Variants in SMOC2 observed in about 807,000 individuals in gnomAD.
SMOC2 encodes SPARC-related modular calcium-binding protein 2.
In SMOC2, 39 loss-of-function variants were observed where a neutral mutation model predicts 61.4. The ratio of observed to expected loss-of-function variants is 0.64; its 90% CI spans 0.49 to 0.83. The LOEUF (loss-of-function observed/expected upper bound fraction) is 0.83, where lower values mean the gene tolerates loss of function less well. Ranked by LOEUF, SMOC2 falls within the 40% of genes least tolerant of loss-of-function variation. The pLI is 0.00. For missense variants in SMOC2, 556 were observed against 592.9 expected (o/e 0.94, Z 0.65); for synonymous variants, 247 against 239.9 (o/e 1.03, Z -0.27).
At chr6:168,533,859 G>T (rs1189597876) in intron 4 of SMOC2, among the ~76,000 whole-genome samples, 2 of 152,204 alleles carry the variant, frequency 1.3e-5, no homozygotes, top group Non-Finnish European at 2.9e-5. Context: ...CGAAAATTGA[G>T]GCCTCTTTCT....
chr6:168,467,446 A>G (rs969338596), intron 1 of SMOC2, among the ~76,000 whole-genome samples: 3 of 152,050 alleles, frequency 2.0e-5, no homozygotes, highest in African/African-American at 7.2e-5. Flanking sequence ...AGCTGGGACT[A>G]CAGGTGCACA....
intron 9 of SMOC2, among the ~76,000 whole-genome samples, chr6:168,621,895 AG>A (rs1477711711): frequency 1.3e-5 from 2 of 152,178 alleles, no homozygotes; most frequent in Non-Finnish European, 2.9e-5. Context: ...TGCGTTACAC[AG>A]GGGTAAAATT....
At chr6:168,486,153 G>T (rs1010917422) in intron 1 of SMOC2, among the ~76,000 whole-genome samples, 1 of 152,112 alleles carries the variant, frequency 6.6e-6, no homozygotes, top group Non-Finnish European at 1.5e-5. Flanking sequence ...ATGGTTTCTG[G>T]CTCACTTAAG....
rs766863188 is a variant in SMOC2 at position 168,608,221 on chromosome 6, A to G, written c.889A>G (p.Lys297Glu). 4 of 1,612,868 alleles carry G rather than the reference A, an allele frequency of 2.5e-6. No homozygotes were observed. Among genetic ancestry groups the G allele is most frequent in the Admixed American group, 1.7e-5 (1 of 59,882 alleles). Residue 297 changes from lysine to glutamate, a missense_variant, in exon 9 of 13, where the codon AAG becomes GAG. Lys to Glu is a moderately conservative substitution (Grantham distance 56). Transcript: ENST00000356284. ...AHPAKARDLYKGRQLQGCPGA... is the reference protein window; with the variant it reads ...AHPAKARDLYEGRQLQGCPGA... ...CCCAGCCAAAGCCCGGGACCTGTAC[A>G]AGGGCCGCCAGCTACAAGGTGAGCA...
chr6:168,520,668 C>T (rs1244727402), intron 2 of SMOC2, among the ~76,000 whole-genome samples: 4 of 152,248 alleles, frequency 2.6e-5, no homozygotes, highest in Non-Finnish European at 5.9e-5. Flanking sequence ...AGTTCTCTGC[C>T]TATTGCAGTA....
At chr6:168,641,824 C>T (rs1422639756) in intron 9 of SMOC2, among the ~76,000 whole-genome samples, 5 of 152,164 alleles carry the variant, frequency 3.3e-5, no homozygotes, top group Admixed American at 2.0e-4. Context: ...GTGCCCACTT[C>T]TATCAGTGTA....
chr6:168,636,341 T>C (rs1786719043), intron 9 of SMOC2, among the ~76,000 whole-genome samples: 2 of 152,232 alleles, frequency 1.3e-5, no homozygotes, highest in Admixed American at 6.5e-5. Context: ...AGCCTGCTTC[T>C]TAGGATGGGT....
chr6:168,514,486 C>T (rs1273054517), intron 2 of SMOC2, among the ~76,000 whole-genome samples: 1 of 152,230 alleles, frequency 6.6e-6, no homozygotes, highest in Non-Finnish European at 1.5e-5. Flanking sequence ...GCATGTTCTT[C>T]TTTCCTTTGT....
intron 8 of SMOC2, among the ~76,000 whole-genome samples, chr6:168,607,585 G>GTTT (rs5881799): frequency 1.9e-4 from 28 of 147,920 alleles, no homozygotes; most frequent in Admixed American, 7.4e-4. Context: ...CCAGAGAGTC[G>GTTT]TTTTTTTTTT....
Position 168,598,800 on chromosome 6 carries a change from CCTT to C in SMOC2, c.638-10_638-8del, listed in dbSNP as rs772474206. The stretch of plus-strand genomic sequence containing the variant: ...GTCGCTGGATCCTGCTCACCTTTTG[CCTT>C]CTTCTTCCCCGCAGTGTCATCCTGT... On this transcript the variant is annotated splice_polypyrimidine_tract_variant and intron_variant, in intron 7 of 12. Transcript: ENST00000356284. 60 of 1,612,842 alleles carry C rather than the reference CCTT, an allele frequency of 3.7e-5. No individual in the cohort carries two copies. Among genetic ancestry groups the C allele is most frequent in the Admixed American group, 2.2e-4 (13 of 59,924 alleles).
intron 1 of SMOC2, among the ~76,000 whole-genome samples, chr6:168,476,985 C>T (rs563969400): frequency 6.6e-5 from 10 of 152,322 alleles, no homozygotes; most frequent in East Asian, 1.9e-4. Flanking sequence ...TCATCATAGA[C>T]GTTTGTGTGC....
At chr6:168,551,698 C>T (rs565636690) in intron 7 of SMOC2, among the ~76,000 whole-genome samples, 3 of 152,278 alleles carry the variant, frequency 2.0e-5, no homozygotes, top group African/African-American at 7.2e-5. Flanking sequence ...AAGTGATCTG[C>T]CTGCCTCAGC....
At chr6:168,656,851 C>T (rs929999577) in intron 11 of SMOC2, among the ~76,000 whole-genome samples, 4 of 152,338 alleles carry the variant, frequency 2.6e-5, no homozygotes, top group Middle Eastern at 3.4e-3. Flanking sequence ...CACGTCCTGC[C>T]GTCCTGATGA....
intron 9 of SMOC2, among the ~76,000 whole-genome samples, chr6:168,631,415 G>T (rs968810574): frequency 4.6e-5 from 7 of 152,204 alleles, no homozygotes; most frequent in African/African-American, 1.4e-4. Context: ...GGACAGGAAA[G>T]GTTCGGCTCT....
intron 11 of SMOC2, among the ~76,000 whole-genome samples, chr6:168,655,766 C>A (rs1787306427): frequency 6.6e-6 from 1 of 152,076 alleles, no homozygotes; most frequent in African/African-American, 2.4e-5. Flanking sequence ...TGTGCTAAAT[C>A]CCACTGCACA....
intron 7 of SMOC2, among the ~76,000 whole-genome samples, chr6:168,567,008 C>T (rs1261624354): frequency 1.3e-5 from 2 of 152,142 alleles, no homozygotes; most frequent in African/African-American, 4.8e-5. Context: ...TCTCTAACCT[C>T]GCATTTTTAT....
chr6:168,585,818 T>A (rs1193200122), intron 7 of SMOC2, among the ~76,000 whole-genome samples: 1 of 152,262 alleles, frequency 6.6e-6, no homozygotes, highest in Non-Finnish European at 1.5e-5. Flanking sequence ...TTGTCATGTC[T>A]GTTTTCACCT....
At chr6:168,492,377 A>G (rs142178622) in intron 1 of SMOC2, among the ~76,000 whole-genome samples, 1 of 152,336 alleles carries the variant, frequency 6.6e-6, no homozygotes, top group Non-Finnish European at 1.5e-5. Flanking sequence ...AGCAAGAACT[A>G]TGCAAACATA....
At chr6:168,491,444 C>A (rs776855301) in intron 1 of SMOC2, among the ~76,000 whole-genome samples, 5 of 152,092 alleles carry the variant, frequency 3.3e-5, no homozygotes, top group African/African-American at 7.2e-5. Flanking sequence ...AAGTTTCTGG[C>A]GGCTGGAAGG....
Sources: gnomAD v4.1 joint callset for allele counts (sites outside exome capture counted in the v4.1 genomes callset) on GRCh38, gnomAD v4.1.1 for gene constraint, MANE v1.5 for transcripts, NCBI Gene and HGNC (gene_info 2026-07-23, HGNC 2026-07-21) for gene names.